Variants in RPS9 observed in about 807,000 individuals in gnomAD.
The protein encoded by RPS9 is small ribosomal subunit protein uS4.
Under a neutral mutation model 16.9 loss-of-function variants are expected in RPS9, and 1 was observed. The observed-to-expected ratio is 0.06, with a 90% confidence interval of 0.02 to 0.28. RPS9 has a LOEUF of 0.28. RPS9 is among the 10% of genes least tolerant of loss of function. RPS9 has a pLI of 1.00. For missense variants in RPS9, 137 were observed against 273.2 expected, an observed-to-expected ratio of 0.50 and a Z score of 3.51; for synonymous variants, 106 against 110.9, an observed-to-expected ratio of 0.96 and a Z score of 0.28.
chr19:54,207,146 C>T (rs2077270473), intron 4 of RPS9: 1 of 531,486 alleles, frequency 1.9e-6, no homozygotes, highest in Non-Finnish European at 3.3e-6. Flanking sequence ...GCTTTGTGGT[C>T]TTAGGTGGGA....
intron 4 of RPS9, chr19:54,207,014 C>CTCGG: frequency 2.3e-6 from 1 of 431,408 alleles, no homozygotes; most frequent in Non-Finnish European, 4.2e-6. Flanking sequence ...GAGACGTAGC[C>CTCGG]TCGGGTTGCT....
In RPS9 at chr19:54,201,214, C is replaced by T. The variant is rs768736609; in HGVS notation, c.30C>T (p.Arg10=). 15 of 1,610,278 alleles carry T rather than the reference C, an allele frequency of 9.3e-6. No homozygotes were observed. In the East Asian group the frequency reaches 3.3e-4, roughly 36 times the overall value. The change falls in exon 2 of 5, where the codon CGC becomes CGT. Residue 10 remains arginine, a synonymous_variant. Transcript: ENST00000302907. MPVARSWVC[R]KTYVTPRRPF... is the part of the protein sequence containing the mutation. Reference sequence around the variant, plus strand: ...CAGTGGCCCGGAGCTGGGTTTGTCGCAAAACTTATGTGACCCCGCGGAGAC... The same window carrying T: ...CAGTGGCCCGGAGCTGGGTTTGTCGTAAAACTTATGTGACCCCGCGGAGAC...
At chr19:54,206,557 C>A in intron 4 of RPS9, 95 bp downstream of exon 4, 1 of 1,567,534 alleles carries the variant, frequency 6.4e-7, no homozygotes. Context: ...ATGCAGCCCT[C>A]GGAGGTGATG....
chr19:54,202,583 T>A, intron 3 of RPS9: 1 of 984,814 alleles, frequency 1.0e-6, no homozygotes, highest in Non-Finnish European at 1.2e-6. Flanking sequence ...AAATTGAAAA[T>A]GTACCATCTT....
At chr19:54,204,737 T>C (rs971829926) in intron 3 of RPS9, among the ~76,000 whole-genome samples, 1 of 152,198 alleles carries the variant, frequency 6.6e-6, no homozygotes, top group Non-Finnish European at 1.5e-5. Context: ...CATTTTCTAA[T>C]GTAAAGACAA....
intron 3 of RPS9, chr19:54,202,351 A>G (rs2077087810): frequency 2.4e-6 from 2 of 847,194 alleles, no homozygotes; most frequent in Non-Finnish European, 2.8e-6. Context: ...AAGCCTGGCT[A>G]ATTTTCTATT....
At chr19:54,201,308 G>A (rs1322953924) in intron 2 of RPS9, 27 bp downstream of exon 2, 2 of 1,613,848 alleles carry the variant, frequency 1.2e-6, no homozygotes, top group Admixed American at 1.7e-5. Flanking sequence ...TCCGGGAAGT[G>A]GTTCGGCTTC....
At chr19:54,205,295 C>CTTTG (rs982134928) in intron 3 of RPS9, among the ~76,000 whole-genome samples, 109 of 151,940 alleles carry the variant, frequency 7.2e-4, no homozygotes, top group Middle Eastern at 6.8e-3. Context: ...GAAGCCATGG[C>CTTTG]TTTGGACAGG....
intron 3 of RPS9, chr19:54,202,918 C>T: frequency 3.1e-6 from 3 of 978,534 alleles, no homozygotes; most frequent in Non-Finnish European, 3.6e-6. Flanking sequence ...GGATGGTTTC[C>T]AACTCCTAAC....
At chr19:54,206,130 G>T (rs907056075) in intron 3 of RPS9, 146 bp from the exon 4 acceptor site, 57 of 763,542 alleles carry the variant, frequency 7.5e-5, no homozygotes, top group Non-Finnish European at 1.1e-4. Flanking sequence ...GGGTGGTTTT[G>T]ACAGTGACAT....
At chr19:54,206,966 A>AT in intron 4 of RPS9, 2 of 455,424 alleles carry the variant, frequency 4.4e-6, no homozygotes, top group Non-Finnish European at 4.0e-6. Flanking sequence ...TAACCCTGTG[A>AT]GCCGTAGGCA....
chr19:54,202,174 C>T (rs67776059), intron 3 of RPS9, among the ~76,000 whole-genome samples: 46,586 of 151,918 alleles, frequency 0.31, 8,411 homozygotes, highest in East Asian at 0.43. Flanking sequence ...GACAGGCGCA[C>T]GCCACCACAC....
intron 3 of RPS9, chr19:54,202,330 C>T (rs2077087288): frequency 1.6e-6 from 1 of 643,210 alleles, no homozygotes; most frequent in Non-Finnish European, 1.9e-6. Flanking sequence ...GAATCACAGG[C>T]ATGGGCCACC....
chr19:54,203,407 G>T (rs2077128611), intron 3 of RPS9: 2 of 664,000 alleles, frequency 3.0e-6, no homozygotes, highest in African/African-American at 3.9e-5. Flanking sequence ...TGTGTGACTA[G>T]CGAGATTCTG....
At chr19:54,202,659 G>T (rs2077099490) in intron 3 of RPS9, 1 of 985,382 alleles carries the variant, frequency 1.0e-6, no homozygotes, top group Non-Finnish European at 1.2e-6. Context: ...CAGCAGATTG[G>T]CATGACCAAG....
chr19:54,202,877 A>C (rs879495142), intron 3 of RPS9: 26 of 985,094 alleles, frequency 2.6e-5, no homozygotes, highest in Non-Finnish European at 3.1e-5. Context: ...CTTTTTCTTT[A>C]AATAGGCACA....
chr19:54,202,324 C>T, intron 3 of RPS9: 1 of 599,452 alleles, frequency 1.7e-6, no homozygotes, highest in Non-Finnish European at 2.1e-6. Context: ...TAGCTGGAAT[C>T]ACAGGCATGG....
In RPS9 at chr19:54,207,387, G is replaced by A. The variant is rs765484287; in HGVS notation, c.408-11G>A. On this transcript the variant is annotated splice_polypyrimidine_tract_variant and intron_variant, in intron 4 of 4. Coordinates refer to ENST00000302907, the MANE Select transcript of RPS9 (RefSeq NM_001013.4). ...CTCCTCCAGTCCACCTCACCTTGTC[G>A]CTGCTTCCAGGGTCCGCAAGCAGGT... 1.6e-5 allele frequency: 26 copies of A among 1,600,414 alleles called. No homozygotes were observed. Among genetic ancestry groups the A allele is most frequent in the South Asian group, 4.5e-5 (4 of 89,852 alleles).
At chr19:54,202,529 C>T (rs2077094045) in intron 3 of RPS9, 1 of 979,518 alleles carries the variant, frequency 1.0e-6, no homozygotes, top group Non-Finnish European at 1.2e-6. Flanking sequence ...ATGCAGATCA[C>T]ATAGACTTAG....
Sources: gnomAD v4.1 joint callset for allele counts (sites outside exome capture counted in the v4.1 genomes callset) on GRCh38, gnomAD v4.1.1 for gene constraint, MANE v1.5 for transcripts, NCBI Gene and HGNC (gene_info 2026-07-23, HGNC 2026-07-21) for gene names.